The following CYRIB variants were observed in gnomAD, a reference collection of about 807,000 sequenced individuals.
CYRIB encodes the protein CYFIP-related Rac1 interactor B.
Under a neutral mutation model 44.2 loss-of-function variants are expected in CYRIB, and 8 were observed. The observed-to-expected ratio is 0.18, with a 90% confidence interval of 0.11 to 0.33. The LOEUF (loss-of-function observed/expected upper bound fraction) is 0.33. Ranked by LOEUF, CYRIB falls within the 10% of genes least tolerant of loss-of-function variation. The pLI, the probability that CYRIB is intolerant of heterozygous loss-of-function variation, is 1.00. For missense variants in CYRIB, 185 were observed against 382.8 expected (o/e 0.48, Z 4.31); for synonymous variants, 131 against 127.2 (o/e 1.03, Z -0.20).
chr8:129,993,315 C>A (rs1250990791), intron 1 of CYRIB, among the ~76,000 whole-genome samples: 1 of 151,694 alleles, frequency 6.6e-6, no homozygotes, highest in Non-Finnish European at 1.5e-5. Flanking sequence ...ATCACTTGAA[C>A]CCAGGAGGCA....
At chr8:129,921,291 GA>G (rs1366936981) in intron 1 of CYRIB, among the ~76,000 whole-genome samples, 2 of 152,126 alleles carry the variant, frequency 1.3e-5, no homozygotes, top group Admixed American at 1.3e-4. Context: ...ATTAAAAACT[GA>G]AACTAAAACA....
intron 2 of CYRIB, among the ~76,000 whole-genome samples, chr8:129,967,379 GTT>G (rs942280306): frequency 1.5e-3 from 227 of 149,444 alleles, no homozygotes; most frequent in African/African-American, 5.3e-3. Flanking sequence ...TTGTTTTTTT[GTT>G]TTTTTGTTTT....
intron 1 of CYRIB, among the ~76,000 whole-genome samples, chr8:129,906,846 A>G (rs758510244): frequency 8.5e-5 from 13 of 152,278 alleles, no homozygotes; most frequent in Non-Finnish European, 1.5e-4. Flanking sequence ...GAGACAAGAA[A>G]AAATGCTCAT....
At chr8:129,871,892 C>G (rs1330151399) in intron 3 of CYRIB, among the ~76,000 whole-genome samples, 1 of 152,102 alleles carries the variant, frequency 6.6e-6, no homozygotes, top group East Asian at 1.9e-4. Flanking sequence ...AGAAAGCCTA[C>G]TAAAACATGT....
chr8:129,882,354 G>C (rs1318929109), intron 2 of CYRIB, among the ~76,000 whole-genome samples: 1 of 152,130 alleles, frequency 6.6e-6, no homozygotes, highest in Admixed American at 6.5e-5. Context: ...CCTATTATGA[G>C]GGTTAAATTA....
chr8:129,850,160 G>A (rs1262025696), intron 9 of CYRIB: 1 of 152,190 alleles, frequency 6.6e-6, no homozygotes, highest in Non-Finnish European at 1.5e-5. Context: ...TTTCCAATGA[G>A]ATGATGTACA....
intron 2 of CYRIB, among the ~76,000 whole-genome samples, chr8:129,960,759 G>A (rs2095206135): frequency 6.6e-6 from 1 of 150,508 alleles, no homozygotes; most frequent in Non-Finnish European, 1.5e-5. Context: ...AGACCAGCCT[G>A]ACCAACATGG....
intron 2 of CYRIB, among the ~76,000 whole-genome samples, chr8:129,879,973 C>A (rs2060324992): frequency 6.6e-6 from 1 of 152,052 alleles, no homozygotes. Context: ...TATTTCTAAC[C>A]AAATTTGGAT....
chr8:129,876,499 G>A (rs1317364020), intron 3 of CYRIB, among the ~76,000 whole-genome samples: 1 of 152,114 alleles, frequency 6.6e-6, no homozygotes, highest in Non-Finnish European at 1.5e-5. Flanking sequence ...GTATACAGGA[G>A]GCAAGGCATA....
chr8:129,883,335 G>A (rs1017605144), intron 2 of CYRIB, among the ~76,000 whole-genome samples: 7 of 151,540 alleles, frequency 4.6e-5, no homozygotes, highest in African/African-American at 9.7e-5. Context: ...TCTAGATACC[G>A]CCAAATATCT....
chr8:129,859,050 C>T (rs1217577825), intron 5 of CYRIB, among the ~76,000 whole-genome samples: 3 of 152,020 alleles, frequency 2.0e-5, no homozygotes, highest in East Asian at 1.9e-4. Flanking sequence ...ACGCAGAGAC[C>T]GGTAGTGGCC....
chr8:130,005,354 A>G (rs1592298678), intron 1 of CYRIB, among the ~76,000 whole-genome samples: 2 of 152,190 alleles, frequency 1.3e-5, no homozygotes, highest in Non-Finnish European at 2.9e-5. Context: ...CCCGCCTCCC[A>G]GGGACAGGCT....
At chr8:129,880,141 A>T (rs1269936860) in intron 2 of CYRIB, among the ~76,000 whole-genome samples, 1 of 152,252 alleles carries the variant, frequency 6.6e-6, no homozygotes, top group African/African-American at 2.4e-5. Context: ...TACTTGCTTC[A>T]TGGACTAATG....
chr8:129,953,990 A>G (rs2094643226), intron 2 of CYRIB, among the ~76,000 whole-genome samples: 1 of 152,202 alleles, frequency 6.6e-6, no homozygotes, highest in Non-Finnish European at 1.5e-5. Flanking sequence ...AACCTTAAAA[A>G]AAATGGACCA....
At chr8:129,960,229 C>T (rs749295766) in intron 2 of CYRIB, among the ~76,000 whole-genome samples, 22 of 152,158 alleles carry the variant, frequency 1.4e-4, no homozygotes, top group Non-Finnish European at 2.6e-4. Context: ...TCTTGGTCAC[C>T]CAGGGCCAAA....
At chr8:129,921,071 C>T (rs2083304739) in intron 1 of CYRIB, among the ~76,000 whole-genome samples, 1 of 152,172 alleles carries the variant, frequency 6.6e-6, no homozygotes, top group Admixed American at 6.5e-5. Context: ...CCGAAGTGAA[C>T]AGATCATCAA....
chr8:129,876,438 C>G (rs905966534), intron 3 of CYRIB, among the ~76,000 whole-genome samples: 1 of 152,184 alleles, frequency 6.6e-6, no homozygotes, highest in African/African-American at 2.4e-5. Context: ...GAGCTTCCAG[C>G]ATGTATGGGT....
chr8:129,879,372 TA>T lies in CYRIB; in HGVS notation c.73+16del. 6.4e-7 allele frequency: 1 copy of T among 1,569,612 alleles called. No homozygotes were observed. The highest frequency in any genetic ancestry group is 8.8e-7 in the Non-Finnish European group (1 of 1,142,200). ...TACTGCAGGCAAAGAGAAATAGATATAAAATCATCTTCTCACTTTCAAAATC... is the reference window on the plus strand; with the variant it reads ...TACTGCAGGCAAAGAGAAATAGATATAAATCATCTTCTCACTTTCAAAATC... On this transcript the variant is annotated intron_variant, in intron 3 of 11. Coordinates refer to ENST00000519824, the Ensembl canonical transcript of CYRIB.
chr8:129,872,017 T>G (rs1035086997), intron 3 of CYRIB, among the ~76,000 whole-genome samples: 5 of 152,150 alleles, frequency 3.3e-5, no homozygotes, highest in African/African-American at 1.2e-4. Context: ...TTTTAGGTGC[T>G]CACCCCCTTT....
Sources: allele counts gnomAD v4.1 joint callset (sites outside exome capture counted in the v4.1 genomes callset), GRCh38; gene constraint gnomAD v4.1.1; transcripts MANE v1.5; gene names NCBI Gene and HGNC (gene_info 2026-07-23, HGNC 2026-07-21).